PSMC2: variants seen among roughly 807,000 people sequenced by gnomAD.
PSMC2 encodes the protein proteasome 26S subunit, ATPase 2, also known as 26S proteasome regulatory subunit 7.
PSMC2 carries 7 observed loss-of-function variants against 53.3 expected under a neutral mutation model. The observed-to-expected ratio is 0.13, with a 90% CI of 0.07 to 0.25. The LOEUF (loss-of-function observed/expected upper bound fraction) is 0.25. PSMC2 is among the 10% of genes least tolerant of loss of function. The pLI is 1.00. For synonymous variants in PSMC2, 169 were observed against 183.9 expected, an observed-to-expected ratio of 0.92 and a Z score of 0.66; for missense variants, 241 against 544.0, an observed-to-expected ratio of 0.44 and a Z score of 5.54.
At chr7:103,362,625 A>AAAAG in intron 5 of PSMC2, 61 bp from the exon 6 acceptor site, 1 of 1,507,384 alleles carries the variant, frequency 6.6e-7, no homozygotes, top group Admixed American at 1.7e-5. Flanking sequence ...AAAGGACTAA[A>AAAAG]CATAAAAGCA....
At chr7:103,347,881 C>T in intron 1 of PSMC2, 100 bp downstream of exon 1, 1 of 1,371,834 alleles carries the variant, frequency 7.3e-7, no homozygotes, top group Non-Finnish European at 1.0e-6. Context: ...GCTCTGTGCT[C>T]TGGCCCTTTT....
Position 103,363,338 on chromosome 7 carries a change from T to C in PSMC2, c.496-6T>C. 6.2e-7 allele frequency: 1 copy of C among 1,607,654 alleles called. No homozygotes were observed. The highest frequency in any genetic ancestry group is 1.7e-5 in the Admixed American group (1 of 60,028). On this transcript the variant is annotated splice_polypyrimidine_tract_variant and splice_region_variant and intron_variant, in intron 6 of 11. Transcript: ENST00000292644. ...TGTATGTTGTACATTTCTGTCCCTC[T>C]CTTAGGTGGAAGAGAAACCTGATGT...
chr7:103,354,669 C>T (rs1460543282), intron 2 of PSMC2, among the ~76,000 whole-genome samples, 199 bp from the exon 3 acceptor site: 1 of 152,138 alleles, frequency 6.6e-6, no homozygotes, highest in Non-Finnish European at 1.5e-5. Context: ...CATGCCTGGC[C>T]ATGATTTTCA....
chr7:103,351,953 T>A (rs1156241828), intron 1 of PSMC2, among the ~76,000 whole-genome samples: 1 of 151,942 alleles, frequency 6.6e-6, no homozygotes, highest in Admixed American at 6.6e-5. Flanking sequence ...TTATTTAGGT[T>A]CTTATGACTT....
At chr7:103,359,744 G>A (rs1000881444) in intron 4 of PSMC2, among the ~76,000 whole-genome samples, 1 of 152,112 alleles carries the variant, frequency 6.6e-6, no homozygotes, top group African/African-American at 2.4e-5. Flanking sequence ...CTTTAGATAT[G>A]GTTTCCTTTA....
chr7:103,361,142 C>T (rs139404267), intron 4 of PSMC2, among the ~76,000 whole-genome samples: 2 of 139,886 alleles, frequency 1.4e-5, no homozygotes, highest in African/African-American at 5.3e-5. Flanking sequence ...AAAAAACAAG[C>T]TTCTACTGCC....
chr7:103,361,270 G>C (rs947600838), intron 4 of PSMC2, among the ~76,000 whole-genome samples: 46 of 151,546 alleles, frequency 3.0e-4, no homozygotes, highest in Admixed American at 3.0e-3. Flanking sequence ...GATCACCTGA[G>C]GTTGGGATTT....
intron 4 of PSMC2, among the ~76,000 whole-genome samples, chr7:103,361,166 G>GA (rs11439485): frequency 0.95 from 143,794 of 151,576 alleles, 68,684 homozygotes; most frequent in East Asian, 1. Flanking sequence ...GTTAAAAAAA[G>GA]AAAAAAGTAG....
At position 103,367,824 on chromosome 7, in the gene PSMC2, C is replaced by A. The variant is rs760058732; in HGVS notation, c.1144+15C>A. ...AAATAGCACTGGTAAGTAGAAAGTT[C>A]TTGCTTATATTTGCTGGTCTGTCTG... is the stretch of plus-strand genomic sequence containing the variant. On this transcript the variant is annotated intron_variant, in intron 11 of 11. Transcript: ENST00000292644. The surrounding 1 kb of genome is among the most constrained non-coding windows in gnomAD (Gnocchi z 6.1). 6.2e-7 allele frequency: 1 copy of A among 1,611,902 alleles called. No homozygotes were observed. Among genetic ancestry groups the A allele is most frequent in the Non-Finnish European group, 8.5e-7 (1 of 1,179,116 alleles).
rs1289647548 is a variant in PSMC2, at chr7:103,368,265, T to C, written c.*211T>C. On this transcript the variant is annotated 3_prime_UTR_variant, in exon 12 of 12. Coordinates refer to ENST00000292644, the MANE Select transcript of PSMC2 (RefSeq NM_002803.4). ...TGACTATTTTTTTGACCCACACCCGTTTAAGGATTTCACATCATACAAAGC... is the reference window on the plus strand; with the variant it reads ...TGACTATTTTTTTGACCCACACCCGCTTAAGGATTTCACATCATACAAAGC... 2.0e-6 allele frequency: 1 copy of C among 501,068 alleles called. No homozygotes were observed. Among genetic ancestry groups the C allele is most frequent in the East Asian group, 3.5e-5 (1 of 28,726 alleles). The allele number at this position is 501,068 out of a possible 1,614,324, so 31.0% of individuals were successfully genotyped here. A position where few individuals can be genotyped will look rare whatever the true frequency, so the allele number is the denominator to read the frequency against.
At chr7:103,349,161 A>G (rs1048888518) in intron 1 of PSMC2, among the ~76,000 whole-genome samples, 6 of 152,038 alleles carry the variant, frequency 3.9e-5, no homozygotes, top group African/African-American at 1.5e-4. Flanking sequence ...AACAACTTCA[A>G]CTTTTCCTAG....
intron 4 of PSMC2, among the ~76,000 whole-genome samples, chr7:103,361,205 C>T (rs868448703): frequency 4.6e-5 from 7 of 151,686 alleles, no homozygotes; most frequent in South Asian, 2.1e-4. Context: ...ATTTAAAGTC[C>T]GGGTGTGGTG....
At chr7:103,365,597 C>G (rs1229478292) in intron 8 of PSMC2, among the ~76,000 whole-genome samples, 1 of 152,046 alleles carries the variant, frequency 6.6e-6, no homozygotes, top group Non-Finnish European at 1.5e-5. Context: ...CCATTGCACA[C>G]CAGCCTGGGC....
chr7:103,352,407 C>CTTTT (rs781095017), intron 1 of PSMC2, among the ~76,000 whole-genome samples: 4 of 118,712 alleles, frequency 3.4e-5, no homozygotes, highest in Non-Finnish European at 7.0e-5. Flanking sequence ...AGATTATAAT[C>CTTTT]TTTTTTTTTT....
Position 103,367,360 on chromosome 7 carries a change from A to G in PSMC2, c.845-53A>G. ...TTTTTGGTACTTTCAGGTCATGCAT[A>G]GTGCTACTCTTGAGTGGACTTGAAG... On this transcript the variant is annotated intron_variant, in intron 9 of 11. Coordinates refer to ENST00000292644, the MANE Select transcript of PSMC2 (RefSeq NM_002803.4). The surrounding 1 kb of genome is among the most constrained non-coding windows in gnomAD (Gnocchi z 6.1). The G allele has an allele frequency of 6.4e-7, 1 of 1,566,720 alleles. No individual in the cohort carries two copies.
At position 103,353,905 on chromosome 7, in the gene PSMC2, G is replaced by A. The variant is rs374205809; in HGVS notation, c.71-16G>A. On this transcript the variant is annotated splice_polypyrimidine_tract_variant and intron_variant, in intron 1 of 11. Coordinates refer to ENST00000292644, the MANE Select transcript of PSMC2 (RefSeq NM_002803.4). The stretch of plus-strand genomic sequence containing the variant: ...AGTTTCTTTTTGAATCTCACGTATT[G>A]TCTCTCTTCTTTCAGCTCTGGATGA... 3.1e-6 allele frequency: 5 copies of A among 1,598,448 alleles called. No homozygotes were observed. The East Asian group carries it at 6.7e-5, about 21-fold the overall frequency.
chr7:103,348,164 A>C (rs1457038158), intron 1 of PSMC2, among the ~76,000 whole-genome samples: 1 of 152,146 alleles, frequency 6.6e-6, no homozygotes, highest in Non-Finnish European at 1.5e-5. Context: ...ATTCTGAGAC[A>C]TAATTTTCTT....
chr7:103,353,456 G>A (rs911162462), intron 1 of PSMC2, among the ~76,000 whole-genome samples: 3 of 152,044 alleles, frequency 2.0e-5, no homozygotes, highest in East Asian at 1.9e-4. Flanking sequence ...ACAGACATGC[G>A]CCACCATGCC....
chr7:103,358,358 C>T (rs1820162602), intron 4 of PSMC2, among the ~76,000 whole-genome samples: 1 of 152,074 alleles, frequency 6.6e-6, no homozygotes, highest in African/African-American at 2.4e-5. Flanking sequence ...CTCTCTTGTC[C>T]TTTAGTAAGG....
Sources: gnomAD v4.1 joint callset for allele counts (sites outside exome capture counted in the v4.1 genomes callset) on GRCh38, gnomAD v4.1.1 for gene constraint, Gnocchi (gnomAD v3.1) non-coding constraint, MANE v1.5 for transcripts, NCBI Gene and HGNC (gene_info 2026-07-23, HGNC 2026-07-21) for gene names.